The following CSMD1 variants were observed in gnomAD, a reference collection of about 807,000 sequenced individuals.
The protein encoded by CSMD1 is CUB and sushi domain-containing protein 1.
In CSMD1, 213 loss-of-function variants were observed where a neutral mutation model predicts 417.5. That is an observed-to-expected ratio of 0.51 (90% CI 0.46 to 0.57). The LOEUF (loss-of-function observed/expected upper bound fraction) is 0.57. Among genes scored for constraint, CSMD1 ranks in the 20% least tolerant of loss-of-function variants. CSMD1 has a pLI of 0.00. For synonymous variants in CSMD1, 2,862 were observed against 1,736.8 expected, an observed-to-expected ratio of 1.65 and a Z score of -16.11; for missense variants, 6,923 against 4,529.7, an observed-to-expected ratio of 1.53 and a Z score of -15.17.
rs1394436913 is a variant in CSMD1, at chr8:3,744,265, G to T, written c.931+9665C>A. On this transcript the variant is annotated intron_variant, in intron 6 of 69. Transcript: ENST00000635120. ...AGGAGCATGGGAAGTTTGGAATACG[G>T]ATCAAAAGATGAGTTTGAAAAGGCG... Among the ~76,000 whole-genome samples, 5 of 152,164 alleles carry T rather than the reference G, an allele frequency of 3.3e-5. No individual in the cohort carries two copies. In the South Asian group the frequency reaches 1.0e-3, roughly 32 times the overall value.
intron 5 of CSMD1, among the ~76,000 whole-genome samples, chr8:3,979,409 A>C (rs901813521): frequency 6.6e-6 from 1 of 152,238 alleles, no homozygotes; most frequent in Non-Finnish European, 1.5e-5. Context: ...CAGAGGCTAC[A>C]TGGAAAAGCT....
intron 2 of CSMD1, among the ~76,000 whole-genome samples, chr8:4,595,372 T>C (rs6994438): frequency 0.16 from 11,743 of 74,098 alleles, 509 homozygotes; most frequent in East Asian, 0.24. Flanking sequence ...ATTTGTCTAT[T>C]GATGCATTCA....
At chr8:3,598,201 G>T (rs191791627) in intron 8 of CSMD1, 1 of 152,312 alleles carries the variant, frequency 6.6e-6, no homozygotes, top group African/African-American at 2.4e-5. Flanking sequence ...AGAAAAGAGG[G>T]TGTCTAGGGA....
chr8:4,234,504 A>T (rs1184592976), intron 3 of CSMD1, among the ~76,000 whole-genome samples: 1 of 152,134 alleles, frequency 6.6e-6, no homozygotes, highest in African/African-American at 2.4e-5. Context: ...TGAATTCAGC[A>T]GTCTACACTA....
chr8:4,869,866 T>G (rs1350503545), intron 1 of CSMD1, among the ~76,000 whole-genome samples: 1 of 152,072 alleles, frequency 6.6e-6, no homozygotes, highest in Non-Finnish European at 1.5e-5. Flanking sequence ...TTATATTCTC[T>G]TTTTTCAATG....
At chr8:3,607,356 C>T (rs1801669097) in intron 8 of CSMD1, among the ~76,000 whole-genome samples, 1 of 152,188 alleles carries the variant, frequency 6.6e-6, no homozygotes, top group African/African-American at 2.4e-5. Flanking sequence ...CTGCCTGGGG[C>T]TGTTTACAGT....
chr8:4,028,921 T>C (rs533953010), intron 4 of CSMD1, among the ~76,000 whole-genome samples: 33 of 152,314 alleles, frequency 2.2e-4, no homozygotes, highest in African/African-American at 6.7e-4. Context: ...TCTAAAGTCA[T>C]TGGAACAGTA....
chr8:4,355,357 C>T (rs1801367389), intron 3 of CSMD1, among the ~76,000 whole-genome samples: 1 of 151,608 alleles, frequency 6.6e-6, no homozygotes, highest in Non-Finnish European at 1.5e-5. Flanking sequence ...GATATATATA[C>T]ACACACACAA....
intron 3 of CSMD1, among the ~76,000 whole-genome samples, chr8:4,072,952 A>G (rs1799635903): frequency 6.6e-6 from 1 of 152,220 alleles, no homozygotes; most frequent in Non-Finnish European, 1.5e-5. Context: ...AAAAGTTTTT[A>G]AAATTTTGCT....
At chr8:3,872,982 G>A (rs142958020) in intron 5 of CSMD1, among the ~76,000 whole-genome samples, 6 of 152,018 alleles carry the variant, frequency 3.9e-5, no homozygotes, top group Non-Finnish European at 7.4e-5. Context: ...TTAGAGAAAC[G>A]CAAATCAAAA....
intron 3 of CSMD1, among the ~76,000 whole-genome samples, chr8:4,142,402 G>T (rs1352202276): frequency 3.3e-5 from 5 of 150,806 alleles, no homozygotes; most frequent in Non-Finnish European, 7.4e-5. Context: ...AGTTTTCTTT[G>T]GGTCAATATT....
chr8:4,399,156 A>T, intron 3 of CSMD1, among the ~76,000 whole-genome samples: 1 of 152,200 alleles, frequency 6.6e-6, no homozygotes, highest in Non-Finnish European at 1.5e-5. Context: ...ACTTTGTGTG[A>T]TCAGCATACA....
rs149481199 is a variant in CSMD1, at chr8:4,799,248, A to T, written c.86-161690T>A. 8.8e-3 allele frequency among the ~76,000 whole-genome samples: 1,339 copies of T among 152,298 alleles called. 5 individuals are homozygous for T. Among genetic ancestry groups the T allele is most frequent in the Non-Finnish European group, 0.011 (779 of 68,034 alleles). On this transcript the variant is annotated intron_variant, in intron 1 of 69. Coordinates refer to ENST00000635120, the MANE Select transcript of CSMD1 (RefSeq NM_033225.6). ...AGTGAAACGGTAAGGGATAACACCG[A>T]TGTAGCTCACCAGTTCATAAAAGGA...
chr8:4,025,032 T>C (rs1796990728), intron 4 of CSMD1, among the ~76,000 whole-genome samples: 1 of 152,252 alleles, frequency 6.6e-6, no homozygotes, highest in South Asian at 2.1e-4. Flanking sequence ...TAGGTAGAAT[T>C]AGGCAGCCGG....
In CSMD1 at chr8:4,228,845, C is replaced by G. The variant is rs533450064; in HGVS notation, c.415+191108G>C. 5.9e-4 allele frequency among the ~76,000 whole-genome samples: 89 copies of G among 152,026 alleles called. 1 individual carries two copies. Among genetic ancestry groups the G allele is most frequent in the Admixed American group, 2.5e-3 (38 of 15,256 alleles). On this transcript the variant is annotated intron_variant, in intron 3 of 69. Coordinates refer to ENST00000635120, the MANE Select transcript of CSMD1 (RefSeq NM_033225.6). ...ACTTCATGTGCACCACTGTGCCCAG[C>G]TAATTTTTGTATTTTTAGTAGAGAC... is the stretch of plus-strand genomic sequence containing the variant.
chr8:3,448,943 G>C (rs1188200342), intron 12 of CSMD1, among the ~76,000 whole-genome samples: 1 of 152,184 alleles, frequency 6.6e-6, no homozygotes, highest in African/African-American at 2.4e-5. Flanking sequence ...AAGAGTAAAT[G>C]TAGGAAAGAA....
At chr8:4,574,552 G>A (rs1231575453) in intron 2 of CSMD1, among the ~76,000 whole-genome samples, 2 of 152,158 alleles carry the variant, frequency 1.3e-5, no homozygotes, top group Non-Finnish European at 2.9e-5. Context: ...AGCTGCAGAC[G>A]GGAGCTGTTC....
chr8:3,960,075 A>C (rs1450795693), intron 5 of CSMD1, among the ~76,000 whole-genome samples: 1 of 152,204 alleles, frequency 6.6e-6, no homozygotes, highest in Non-Finnish European at 1.5e-5. Context: ...TGATCATCTT[A>C]TTAGACAACA....
intron 2 of CSMD1, among the ~76,000 whole-genome samples, chr8:4,424,331 C>A (rs912007719): frequency 5.3e-5 from 8 of 151,744 alleles, no homozygotes; most frequent in African/African-American, 1.9e-4. Context: ...CATGAACTCT[C>A]CAGACTCAAC....
Sources: gnomAD v4.1 joint callset for allele counts (sites outside exome capture counted in the v4.1 genomes callset) on GRCh38, gnomAD v4.1.1 for gene constraint, MANE v1.5 for transcripts, NCBI Gene and HGNC (gene_info 2026-07-23, HGNC 2026-07-21) for gene names.